KCNQ5: variants seen among roughly 807,000 people sequenced by gnomAD.
KCNQ5 encodes potassium voltage-gated channel subfamily Q member 5, also known as potassium voltage-gated channel subfamily KQT member 5.
A neutral mutation model predicts 98.2 loss-of-function variants in KCNQ5; 30 were observed. The observed-to-expected ratio is 0.31, with a 90% CI of 0.23 to 0.41. KCNQ5 has a LOEUF of 0.41. KCNQ5 is among the 10% of genes least tolerant of loss of function. The probability of loss-of-function intolerance (pLI) is 1.00; values close to 1 mark genes in which losing one functional copy is unlikely to be tolerated. For missense variants in KCNQ5, 835 were observed against 1,182.5 expected, an observed-to-expected ratio of 0.71 and a Z score of 4.31; for synonymous variants, 458 against 449.4, an observed-to-expected ratio of 1.02 and a Z score of -0.24.
rs77740483 is a variant in KCNQ5, at chr6:73,001,413, G to C, written c.399-2495G>C. 2.9e-3 allele frequency among the ~76,000 whole-genome samples: 434 copies of C among 152,262 alleles called. 5 individuals are homozygous for C. Among genetic ancestry groups the C allele is most frequent in the East Asian group, 0.026 (134 of 5,184 alleles). The stretch of plus-strand genomic sequence containing the variant: ...CATTGTAGAAGGCACTGTACCAAAG[G>C]CTACCAGCTGTACAAGGCTAAATTA... On this transcript the variant is annotated intron_variant, in intron 1 of 13. Transcript: ENST00000370398.
intron 1 of KCNQ5, among the ~76,000 whole-genome samples, chr6:72,872,576 G>A (rs976453504): frequency 2.6e-5 from 4 of 152,004 alleles, no homozygotes; most frequent in East Asian, 1.9e-4. Flanking sequence ...GGCAGGTATC[G>A]TTATTCCTAT....
intron 10 of KCNQ5, among the ~76,000 whole-genome samples, chr6:73,153,105 C>T (rs1777220857): frequency 6.6e-6 from 1 of 152,116 alleles, no homozygotes; most frequent in South Asian, 2.1e-4. Context: ...GTTATCCCCT[C>T]TTTATGCTTG....
intron 1 of KCNQ5, among the ~76,000 whole-genome samples, chr6:72,894,257 T>C (rs1779163522): frequency 6.6e-6 from 1 of 152,164 alleles, no homozygotes; most frequent in African/African-American, 2.4e-5. Flanking sequence ...ACCTCTACAC[T>C]TCTTGTGGGT....
intron 1 of KCNQ5, among the ~76,000 whole-genome samples, chr6:72,687,284 A>C (rs1768005292): frequency 6.6e-6 from 1 of 152,082 alleles, no homozygotes; most frequent in Non-Finnish European, 1.5e-5. Context: ...CTTTCTTAGG[A>C]TGTTATGTCT....
At chr6:72,843,984 C>T (rs531561241) in intron 1 of KCNQ5, among the ~76,000 whole-genome samples, 3 of 152,198 alleles carry the variant, frequency 2.0e-5, no homozygotes, top group African/African-American at 7.2e-5. Context: ...GGGAGGGGAA[C>T]ATCACACACC....
At chr6:72,800,314 GT>G (rs1274937209) in intron 1 of KCNQ5, among the ~76,000 whole-genome samples, 5 of 152,184 alleles carry the variant, frequency 3.3e-5, no homozygotes, top group Non-Finnish European at 5.9e-5. Flanking sequence ...CCTGTTATTG[GT>G]CTATTCAGAG....
intron 1 of KCNQ5, among the ~76,000 whole-genome samples, chr6:72,651,379 A>G (rs1287841879): frequency 6.6e-6 from 1 of 152,120 alleles, no homozygotes; most frequent in African/African-American, 2.4e-5. Flanking sequence ...TGACTCCTTC[A>G]GTGGAAAAAA....
At chr6:72,649,454 GTT>G (rs1676035400) in intron 1 of KCNQ5, among the ~76,000 whole-genome samples, 1 of 152,128 alleles carries the variant, frequency 6.6e-6, no homozygotes, top group African/African-American at 2.4e-5. Flanking sequence ...TAATGGTGCA[GTT>G]TCTGTGAAAA....
chr6:72,718,591 C>T (rs1413880948), intron 1 of KCNQ5, among the ~76,000 whole-genome samples: 1 of 151,620 alleles, frequency 6.6e-6, no homozygotes, highest in East Asian at 1.9e-4. Context: ...GCTGGGACTA[C>T]AGGTACGTGC....
chr6:72,877,431 A>G (rs943861154), intron 1 of KCNQ5, among the ~76,000 whole-genome samples: 2 of 152,142 alleles, frequency 1.3e-5, no homozygotes, highest in South Asian at 2.1e-4. Flanking sequence ...CTCATGGTGT[A>G]TATGTACCAC....
chr6:72,962,268 C>CATAT (rs147877211), intron 1 of KCNQ5, among the ~76,000 whole-genome samples: 1 of 132,352 alleles, frequency 7.6e-6, no homozygotes, highest in Non-Finnish European at 1.6e-5. Flanking sequence ...TATATATATA[C>CATAT]ATATATATAT....
chr6:72,725,300 G>A (rs139521519), intron 1 of KCNQ5, among the ~76,000 whole-genome samples: 181 of 152,140 alleles, frequency 1.2e-3, no homozygotes, highest in African/African-American at 4.0e-3. Context: ...TGAAGATCAA[G>A]TAGTCATCAT....
chr6:73,143,107 C>A (rs929244323), intron 10 of KCNQ5, among the ~76,000 whole-genome samples: 2 of 152,040 alleles, frequency 1.3e-5, no homozygotes, highest in Non-Finnish European at 2.9e-5. Flanking sequence ...TGTGTGATAC[C>A]AATATTTAGT....
At chr6:73,025,097 T>A (rs1770813183) in intron 2 of KCNQ5, among the ~76,000 whole-genome samples, 1 of 152,186 alleles carries the variant, frequency 6.6e-6, no homozygotes, top group African/African-American at 2.4e-5. Flanking sequence ...ATAAGATAAA[T>A]TCAAAGTCTC....
chr6:72,628,991 C>T (rs1320890341), intron 1 of KCNQ5, among the ~76,000 whole-genome samples: 3 of 152,130 alleles, frequency 2.0e-5, no homozygotes, highest in Non-Finnish European at 2.9e-5. Flanking sequence ...TTGCTTGTCT[C>T]TCCCCTCAAC....
intron 1 of KCNQ5, among the ~76,000 whole-genome samples, chr6:72,840,077 C>G (rs1178679015): frequency 1.3e-5 from 2 of 152,146 alleles, no homozygotes; most frequent in African/African-American, 4.8e-5. Context: ...TTAACTCATC[C>G]AAATAACAGA....
chr6:73,052,220 C>A (rs1232759504), intron 3 of KCNQ5, among the ~76,000 whole-genome samples: 2 of 152,134 alleles, frequency 1.3e-5, no homozygotes, highest in Non-Finnish European at 2.9e-5. Context: ...TGAACAAAAT[C>A]TCCAAAGTAT....
chr6:73,181,026 A>G (rs956706761), intron 11 of KCNQ5, among the ~76,000 whole-genome samples: 3 of 152,224 alleles, frequency 2.0e-5, no homozygotes, highest in Non-Finnish European at 4.4e-5. Context: ...TTTAGAACTC[A>G]TGGCAGCACA....
chr6:72,860,037 G>A (rs2150151887), intron 1 of KCNQ5, among the ~76,000 whole-genome samples: 1 of 151,680 alleles, frequency 6.6e-6, no homozygotes, highest in East Asian at 1.9e-4. Context: ...CTTTATGTAA[G>A]ATACTAGGCA....
Sources: allele counts gnomAD v4.1 joint callset (sites outside exome capture counted in the v4.1 genomes callset), GRCh38; gene constraint gnomAD v4.1.1; transcripts MANE v1.5; gene names NCBI Gene and HGNC (gene_info 2026-07-23, HGNC 2026-07-21).